PLXNA2: variants seen among roughly 807,000 people sequenced by gnomAD.
The protein encoded by PLXNA2 is plexin-A2.
Under a neutral mutation model 193.5 loss-of-function variants are expected in PLXNA2, and 91 were observed. The observed-to-expected ratio is 0.47, with a 90% confidence interval of 0.40 to 0.56. The LOEUF is 0.56. Among genes scored for constraint, PLXNA2 ranks in the 20% least tolerant of loss-of-function variants. PLXNA2 has a pLI of 0.00. For missense variants in PLXNA2, 1,995 were observed against 2,503.2 expected, an observed-to-expected ratio of 0.80 and a Z score of 4.33; for synonymous variants, 997 against 1,027.3, an observed-to-expected ratio of 0.97 and a Z score of 0.56.
intron 3 of PLXNA2, among the ~76,000 whole-genome samples, chr1:208,143,301 T>C (rs1668508842): frequency 6.6e-6 from 1 of 152,224 alleles, no homozygotes; most frequent in Admixed American, 6.5e-5. Flanking sequence ...CACACTAGTG[T>C]GTCCTCAGAA....
At chr1:208,191,827 C>T (rs749363325) in intron 3 of PLXNA2, among the ~76,000 whole-genome samples, 4 of 152,142 alleles carry the variant, frequency 2.6e-5, no homozygotes, top group Non-Finnish European at 5.9e-5. Flanking sequence ...GGTGTATCAG[C>T]ATGTGGAAGA....
At chr1:208,240,618 G>A (rs1672016213) in intron 1 of PLXNA2, among the ~76,000 whole-genome samples, 1 of 152,034 alleles carries the variant, frequency 6.6e-6, no homozygotes. Flanking sequence ...GGTGATTGGG[G>A]CTGAGGGGGG....
At chr1:208,112,811 T>C (rs1667522992) in intron 4 of PLXNA2, among the ~76,000 whole-genome samples, 1 of 152,220 alleles carries the variant, frequency 6.6e-6, no homozygotes, top group South Asian at 2.1e-4. Flanking sequence ...AGAAGTCAAA[T>C]TAAGCTCAGC....
intron 3 of PLXNA2, among the ~76,000 whole-genome samples, chr1:208,149,195 G>A (rs1458321152): frequency 1.3e-5 from 2 of 152,026 alleles, no homozygotes; most frequent in African/African-American, 2.4e-5. Context: ...TATGTGGTGT[G>A]TGTATGAGTC....
At chr1:208,037,936 A>G (rs1571848007) in intron 26 of PLXNA2, among the ~76,000 whole-genome samples, 1 of 152,338 alleles carries the variant, frequency 6.6e-6, no homozygotes, top group East Asian at 1.9e-4. Flanking sequence ...AGAGAAGTCT[A>G]TTCAATTCCC....
At chr1:208,031,341 G>C (rs1171172237) in intron 29 of PLXNA2, 1 of 1,349,044 alleles carries the variant, frequency 7.4e-7, no homozygotes, top group Non-Finnish European at 9.5e-7. Context: ...GTCACAACCT[G>C]GAGGGGCAGA....
At chr1:208,130,239 GA>G (rs1172234197) in intron 4 of PLXNA2, among the ~76,000 whole-genome samples, 1 of 152,208 alleles carries the variant, frequency 6.6e-6, no homozygotes, top group African/African-American at 2.4e-5. Context: ...GCCTGCTACA[GA>G]AAGATCAAAG....
rs139169481 is a variant in PLXNA2, at chr1:208,051,234, T to A, written c.3161+22A>T. ...TCATGCTGGGTGGCTTCCAGGTGCA[T>A]CCCTCCCACCTTCCACCTCACCTGG... On this transcript the variant is annotated intron_variant, in intron 16 of 31. Coordinates refer to ENST00000367033, the MANE Select transcript of PLXNA2 (RefSeq NM_025179.4). 11,427 of 1,598,498 alleles carry A rather than the reference T, an allele frequency of 7.1e-3. 103 individuals carry two copies. Among genetic ancestry groups the A allele is most frequent in the Middle Eastern group, 0.027 (140 of 5,178 alleles).
At chr1:208,183,501 A>G (rs1558233187) in intron 3 of PLXNA2, among the ~76,000 whole-genome samples, 5 of 151,448 alleles carry the variant, frequency 3.3e-5, no homozygotes, top group African/African-American at 9.7e-5. Context: ...AGGGGCAGAG[A>G]TGGGAGGGAA....
intron 4 of PLXNA2, among the ~76,000 whole-genome samples, chr1:208,115,144 A>G (rs1667598486): frequency 6.6e-6 from 1 of 152,186 alleles, no homozygotes; most frequent in African/African-American, 2.4e-5. Flanking sequence ...CCATGGAGGC[A>G]GCAATGACCA....
At chr1:208,118,856 A>C (rs1667721701) in intron 4 of PLXNA2, among the ~76,000 whole-genome samples, 1 of 152,168 alleles carries the variant, frequency 6.6e-6, no homozygotes. Context: ...GGTGGAAAAA[A>C]AGCGGAATTT....
At chr1:208,143,655 G>T (rs79500229) in intron 3 of PLXNA2, among the ~76,000 whole-genome samples, 1 of 151,796 alleles carries the variant, frequency 6.6e-6, no homozygotes, top group Non-Finnish European at 1.5e-5. Context: ...CCCATCTCTA[G>T]CTCAAGCCCC....
chr1:208,068,938 G>T (rs972985745), intron 12 of PLXNA2, among the ~76,000 whole-genome samples: 24 of 152,204 alleles, frequency 1.6e-4, no homozygotes, highest in African/African-American at 5.8e-4. Flanking sequence ...CTATTGACTG[G>T]TTGTAGAATA....
intron 3 of PLXNA2, among the ~76,000 whole-genome samples, chr1:208,172,251 A>G (rs567990881): frequency 6.6e-6 from 1 of 151,776 alleles, no homozygotes; most frequent in South Asian, 2.1e-4. Flanking sequence ...TTATTTGCAG[A>G]GGTAATGTTT....
intron 4 of PLXNA2, among the ~76,000 whole-genome samples, chr1:208,104,827 A>T (rs1341952461): frequency 6.6e-6 from 1 of 152,178 alleles, no homozygotes; most frequent in Non-Finnish European, 1.5e-5. Flanking sequence ...AATAATAAAA[A>T]CATGAAATGC....
At chr1:208,071,982 TGA>T (rs1665992432) in intron 12 of PLXNA2, among the ~76,000 whole-genome samples, 1 of 152,198 alleles carries the variant, frequency 6.6e-6, no homozygotes, top group East Asian at 1.9e-4. Context: ...CATTTGCATC[TGA>T]GAGAATCTAG....
At chr1:208,039,043 A>C in intron 24 of PLXNA2, 59 bp from the exon 25 acceptor site, 6 of 1,514,432 alleles carry the variant, frequency 4.0e-6, no homozygotes, top group Non-Finnish European at 5.4e-6. Flanking sequence ...TTTGAGGGAG[A>C]GGGTCAGGAC....
intron 5 of PLXNA2, among the ~76,000 whole-genome samples, chr1:208,102,435 AGT>A (rs917571539): frequency 3.3e-5 from 5 of 152,340 alleles, no homozygotes; most frequent in African/African-American, 9.6e-5. Flanking sequence ...AGGAAGTTTA[AGT>A]GTGATTTAGC....
At chr1:208,090,514 G>C (rs922418080) in intron 9 of PLXNA2, among the ~76,000 whole-genome samples, 1 of 152,160 alleles carries the variant, frequency 6.6e-6, no homozygotes, top group Non-Finnish European at 1.5e-5. Flanking sequence ...TGTGAGGAAG[G>C]CCGGGCCTGC....
Sources: gnomAD v4.1 joint callset for allele counts (sites outside exome capture counted in the v4.1 genomes callset) on GRCh38, gnomAD v4.1.1 for gene constraint, MANE v1.5 for transcripts, NCBI Gene and HGNC (gene_info 2026-07-23, HGNC 2026-07-21) for gene names.